GMDS: variants seen among roughly 807,000 people sequenced by gnomAD.
GMDS encodes the protein GDP-mannose 4,6 dehydratase.
Under a neutral mutation model 49.9 loss-of-function variants are expected in GMDS, and 20 were observed. The observed-to-expected ratio is 0.40, with a 90% CI of 0.28 to 0.58. GMDS has a LOEUF of 0.58. Ranked by LOEUF, GMDS falls within the 20% of genes least tolerant of loss-of-function variation. GMDS has a pLI of 0.42. For synonymous variants in GMDS, 177 were observed against 178.6 expected (o/e 0.99, Z 0.07); for missense variants, 362 against 481.4 (o/e 0.75, Z 2.32).
intron 9 of GMDS, chr6:1,717,440 C>T (rs1185521031): frequency 6.6e-6 from 1 of 152,184 alleles, no homozygotes; most frequent in African/African-American, 2.4e-5. Flanking sequence ...ACTGGGGATA[C>T]TGCAGTTCTA....
chr6:1,792,035 C>A (rs1769563514), intron 7 of GMDS, among the ~76,000 whole-genome samples: 2 of 152,158 alleles, frequency 1.3e-5, no homozygotes, highest in Admixed American at 1.3e-4. Flanking sequence ...TGACTTATTA[C>A]AGCACTACAG....
chr6:2,235,819 TA>T (rs1309985892), intron 1 of GMDS, among the ~76,000 whole-genome samples: 1 of 112,356 alleles, frequency 8.9e-6, no homozygotes, highest in Non-Finnish European at 2.0e-5. Context: ...TAAAAAAAAA[TA>T]AAAAAAATAA....
intron 9 of GMDS, among the ~76,000 whole-genome samples, chr6:1,696,881 C>T (rs75027212): frequency 0.039 from 5,911 of 152,314 alleles, 107 homozygotes; most frequent in South Asian, 0.074. Flanking sequence ...GGTAAAACAA[C>T]AAGTGTTTGG....
intron 9 of GMDS, among the ~76,000 whole-genome samples, chr6:1,646,142 A>G (rs1019317948): frequency 4.6e-5 from 7 of 152,158 alleles, no homozygotes; most frequent in African/African-American, 1.7e-4. Flanking sequence ...TGAGATTTAA[A>G]ATCTTAGCCA....
intron 4 of GMDS, among the ~76,000 whole-genome samples, chr6:2,022,696 T>C (rs1768351058): frequency 6.6e-6 from 1 of 152,200 alleles, no homozygotes; most frequent in African/African-American, 2.4e-5. Flanking sequence ...ATCTGTATTT[T>C]TGAATTTCAT....
At chr6:2,032,676 A>G (rs1489471465) in intron 4 of GMDS, among the ~76,000 whole-genome samples, 1 of 152,206 alleles carries the variant, frequency 6.6e-6, no homozygotes, top group Admixed American at 6.5e-5. Context: ...AGAGGCATAA[A>G]ACAAAAAGGT....
At chr6:2,133,250 G>A (rs923308077) in intron 1 of GMDS, among the ~76,000 whole-genome samples, 5 of 152,092 alleles carry the variant, frequency 3.3e-5, no homozygotes, top group Non-Finnish European at 7.4e-5. Context: ...TGAAATTTTA[G>A]TATTTACTTG....
chr6:1,875,051 T>C (rs1758962398), intron 7 of GMDS, among the ~76,000 whole-genome samples: 1 of 152,240 alleles, frequency 6.6e-6, no homozygotes, highest in South Asian at 2.1e-4. Context: ...TGGCTTAGAA[T>C]ATTTTTTTGT....
At chr6:1,642,153 CTTTTTTT>C (rs543577735) in intron 9 of GMDS, among the ~76,000 whole-genome samples, 1 of 110,762 alleles carries the variant, frequency 9.0e-6, no homozygotes, top group Non-Finnish European at 1.8e-5. Flanking sequence ...CAGTTTCCAT[CTTTTTTT>C]TTTTTTTTTT....
Position 1,836,414 on chromosome 6 carries a change from G to C in GMDS, c.771+93689C>G, listed in dbSNP as rs1316842811. Among the ~76,000 whole-genome samples, 1 of 152,164 alleles carries C rather than the reference G, an allele frequency of 6.6e-6. No individual in the cohort carries two copies. The highest frequency in any genetic ancestry group is 1.5e-5 in the Non-Finnish European group (1 of 68,046). Reference sequence around the variant, plus strand: ...TACGCTATTTCACTAAACTGAAAAAGGCATTTGTGTTGCCTGTTCTAATTT... The same window carrying C: ...TACGCTATTTCACTAAACTGAAAAACGCATTTGTGTTGCCTGTTCTAATTT... On this transcript the variant is annotated intron_variant, in intron 7 of 10. Coordinates refer to ENST00000380815, the MANE Select transcript of GMDS (RefSeq NM_001500.4). This position sits in a 1 kb window ranked among gnomAD's most constrained non-coding sequence, Gnocchi z 4.2.
intron 1 of GMDS, among the ~76,000 whole-genome samples, chr6:2,162,179 TAAAG>T (rs1426189582): frequency 6.6e-6 from 1 of 152,098 alleles, no homozygotes; most frequent in South Asian, 2.1e-4. Flanking sequence ...ATTTTAAAAA[TAAAG>T]GAAGTCCATT....
intron 4 of GMDS, among the ~76,000 whole-genome samples, chr6:2,013,925 C>CACATATATATATATATATATATAT (rs1767721969): frequency 8.0e-6 from 1 of 125,124 alleles, no homozygotes; most frequent in African/African-American, 3.5e-5. Context: ...GGATAAAAAC[C>CACATATATATATATATATATATAT]ATATATATAT....
At chr6:2,193,598 T>A (rs1489681548) in intron 1 of GMDS, among the ~76,000 whole-genome samples, 1 of 152,234 alleles carries the variant, frequency 6.6e-6, no homozygotes, top group African/African-American at 2.4e-5. Flanking sequence ...TGGATTTTTT[T>A]AAATAACATG....
At chr6:1,626,729 C>A (rs1211832126) in intron 9 of GMDS, among the ~76,000 whole-genome samples, 1 of 152,218 alleles carries the variant, frequency 6.6e-6, no homozygotes, top group Non-Finnish European at 1.5e-5. Context: ...CCCTAAAACC[C>A]AGTTTGGCTT....
At chr6:1,628,218 T>C (rs1490625230) in intron 9 of GMDS, among the ~76,000 whole-genome samples, 1 of 152,212 alleles carries the variant, frequency 6.6e-6, no homozygotes, top group East Asian at 1.9e-4. Flanking sequence ...TCATTAAGCC[T>C]GTTTCTGAGC....
At chr6:2,085,922 C>G (rs1210542957) in intron 4 of GMDS, among the ~76,000 whole-genome samples, 1 of 152,132 alleles carries the variant, frequency 6.6e-6, no homozygotes, top group Non-Finnish European at 1.5e-5. Context: ...ATTCTGTGGC[C>G]TTAAGATATA....
At chr6:1,664,974 C>A (rs1764194551) in intron 9 of GMDS, among the ~76,000 whole-genome samples, 2 of 152,232 alleles carry the variant, frequency 1.3e-5, no homozygotes, top group Non-Finnish European at 2.9e-5. Flanking sequence ...CTTCTGCATA[C>A]TCAGCTGGCT....
At chr6:1,832,190 A>C (rs1028042038) in intron 7 of GMDS, among the ~76,000 whole-genome samples, 2 of 151,106 alleles carry the variant, frequency 1.3e-5, no homozygotes, top group Non-Finnish European at 2.9e-5. Flanking sequence ...CAGGAGTTTG[A>C]GACCAGCCTG....
intron 7 of GMDS, among the ~76,000 whole-genome samples, chr6:1,853,391 G>A (rs550243456): frequency 1.1e-4 from 17 of 149,304 alleles, no homozygotes; most frequent in Non-Finnish European, 1.6e-4. Context: ...GGTAGCGGGC[G>A]CCTGTAGTCC....
Sources: gnomAD v4.1 joint callset for allele counts (sites outside exome capture counted in the v4.1 genomes callset) on GRCh38, gnomAD v4.1.1 for gene constraint, Gnocchi (gnomAD v3.1) non-coding constraint, MANE v1.5 for transcripts, NCBI Gene and HGNC (gene_info 2026-07-23, HGNC 2026-07-21) for gene names.